Variants in SORCS2 observed in about 807,000 individuals in gnomAD.
The protein encoded by SORCS2 is sortilin related VPS10 domain containing receptor 2.
SORCS2 carries 100 observed loss-of-function variants against 141.6 expected under a neutral mutation model. The ratio of observed to expected loss-of-function variants is 0.71; its 90% CI spans 0.60 to 0.83. The LOEUF (loss-of-function observed/expected upper bound fraction) is 0.83. Among genes scored for constraint, SORCS2 ranks in the 40% least tolerant of loss-of-function variants. The pLI, the probability that SORCS2 is intolerant of heterozygous loss-of-function variation, is 0.00. For synonymous variants in SORCS2, 789 were observed against 676.9 expected, an observed-to-expected ratio of 1.17 and a Z score of -2.57; for missense variants, 1,646 against 1,560.2, an observed-to-expected ratio of 1.05 and a Z score of -0.93.
chr4:7,198,057 G>A (rs1416604088), intron 1 of SORCS2, among the ~76,000 whole-genome samples: 2 of 152,188 alleles, frequency 1.3e-5, no homozygotes, highest in East Asian at 3.8e-4. Flanking sequence ...GTGGGGGATG[G>A]GGCTGGTGAG....
chr4:7,456,553 A>G (rs554463565), intron 2 of SORCS2, among the ~76,000 whole-genome samples: 27 of 152,280 alleles, frequency 1.8e-4, no homozygotes, highest in Non-Finnish European at 2.9e-4. Flanking sequence ...CCTGAGGACA[A>G]CAATGGTGTT....
At chr4:7,639,794 T>C (rs1227386059) in intron 4 of SORCS2, among the ~76,000 whole-genome samples, 2 of 151,668 alleles carry the variant, frequency 1.3e-5, no homozygotes, top group Admixed American at 1.3e-4. Flanking sequence ...TGGGTATGTA[T>C]GGGTGAGGTT....
At chr4:7,692,530 T>C (rs1004925938) in intron 11 of SORCS2, among the ~76,000 whole-genome samples, 1 of 152,116 alleles carries the variant, frequency 6.6e-6, no homozygotes, top group Non-Finnish European at 1.5e-5. Context: ...TGTCCTCTCA[T>C]CCAAGGGGAC....
intron 3 of SORCS2, among the ~76,000 whole-genome samples, chr4:7,602,539 C>G (rs985761677): frequency 2.7e-5 from 4 of 150,890 alleles, no homozygotes; most frequent in African/African-American, 9.8e-5. Context: ...AGAGACGCTC[C>G]TCACTTCCTA....
chr4:7,576,383 C>T (rs140157391), intron 3 of SORCS2, among the ~76,000 whole-genome samples: 2 of 152,310 alleles, frequency 1.3e-5, no homozygotes, highest in Non-Finnish European at 2.9e-5. Context: ...GAGCTGATTC[C>T]ATTAACTAAT....
chr4:7,674,566 T>A (rs1437653018), intron 8 of SORCS2, among the ~76,000 whole-genome samples: 1 of 117,778 alleles, frequency 8.5e-6, no homozygotes, highest in African/African-American at 3.5e-5. Context: ...AGAGCGAGAC[T>A]CTGTCTCAAA....
intron 1 of SORCS2, among the ~76,000 whole-genome samples, chr4:7,299,400 G>C (rs1184454359): frequency 6.6e-6 from 1 of 152,176 alleles, no homozygotes; most frequent in African/African-American, 2.4e-5. Flanking sequence ...GCCCCTCAGC[G>C]GTGCTAAGTT....
chr4:7,698,862 T>C (rs1724875095), intron 12 of SORCS2, among the ~76,000 whole-genome samples: 1 of 150,302 alleles, frequency 6.7e-6, no homozygotes, highest in Non-Finnish European at 1.5e-5. Context: ...GGTTTTTTTT[T>C]AAGTTTCTTG....
At chr4:7,675,952 G>A in intron 8 of SORCS2, 98 bp from the exon 9 acceptor site, 1 of 1,374,596 alleles carries the variant, frequency 7.3e-7, no homozygotes, top group Non-Finnish European at 9.9e-7. Flanking sequence ...GAGAGCCAGG[G>A]GTCTTCTGCA....
At chr4:7,302,870 T>A (rs1431961778) in intron 1 of SORCS2, among the ~76,000 whole-genome samples, 1 of 152,022 alleles carries the variant, frequency 6.6e-6, no homozygotes, top group African/African-American at 2.4e-5. Context: ...TTTTATGGTA[T>A]CAATAAACAA....
chr4:7,303,811 G>C (rs560246666), intron 1 of SORCS2, among the ~76,000 whole-genome samples: 1 of 152,362 alleles, frequency 6.6e-6, no homozygotes, highest in African/African-American at 2.4e-5. Flanking sequence ...GCGCGTCTCT[G>C]TCCGGCTGCC....
intron 3 of SORCS2, among the ~76,000 whole-genome samples, chr4:7,613,634 T>C (rs1040708552): frequency 6.6e-6 from 1 of 152,118 alleles, no homozygotes; most frequent in African/African-American, 2.4e-5. Context: ...AGACACTGCT[T>C]GTGGAGATAT....
At chr4:7,577,202 G>A (rs888508761) in intron 3 of SORCS2, among the ~76,000 whole-genome samples, 2 of 152,196 alleles carry the variant, frequency 1.3e-5, no homozygotes, top group Non-Finnish European at 2.9e-5. Flanking sequence ...GCAGGGAGGG[G>A]AGAGAGGATG....
intron 1 of SORCS2, among the ~76,000 whole-genome samples, chr4:7,378,929 T>A (rs1400360554): frequency 6.6e-6 from 1 of 152,208 alleles, no homozygotes; most frequent in Non-Finnish European, 1.5e-5. Flanking sequence ...CTTGGCCTTT[T>A]TAATTGACCC....
intron 8 of SORCS2, among the ~76,000 whole-genome samples, chr4:7,667,697 C>G (rs1431883026): frequency 6.6e-6 from 1 of 152,214 alleles, no homozygotes; most frequent in Non-Finnish European, 1.5e-5. Context: ...TAGTATGCTG[C>G]CTGGCATATA....
chr4:7,399,358 T>G (rs1724423051), intron 2 of SORCS2, among the ~76,000 whole-genome samples: 1 of 152,204 alleles, frequency 6.6e-6, no homozygotes. Flanking sequence ...GAATGTGCAC[T>G]GAGTCTCCTA....
chr4:7,485,041 G>T (rs1730888390), intron 2 of SORCS2, among the ~76,000 whole-genome samples: 1 of 152,176 alleles, frequency 6.6e-6, no homozygotes. Context: ...TCATCCTCAG[G>T]GGGCGTTTGT....
intron 2 of SORCS2, among the ~76,000 whole-genome samples, chr4:7,439,507 C>T (rs1727520002): frequency 6.6e-6 from 1 of 152,236 alleles, no homozygotes; most frequent in Admixed American, 6.5e-5. Context: ...CATCTTCACA[C>T]ACCTGCAGAA....
chr4:7,591,548 C>A (rs112605356), intron 3 of SORCS2, among the ~76,000 whole-genome samples: 1 of 152,208 alleles, frequency 6.6e-6, no homozygotes, highest in African/African-American at 2.4e-5. Context: ...GCAGAGCCAA[C>A]GCTCATGCTC....
Sources: allele counts gnomAD v4.1 joint callset (sites outside exome capture counted in the v4.1 genomes callset), GRCh38; gene constraint gnomAD v4.1.1; transcripts MANE v1.5; gene names NCBI Gene and HGNC (gene_info 2026-07-23, HGNC 2026-07-21).